The following ZMYM2 variants were observed in gnomAD, a reference collection of about 807,000 sequenced individuals.
ZMYM2 encodes the protein zinc finger MYM-type protein 2.
Under a neutral mutation model 162.8 loss-of-function variants are expected in ZMYM2, and 56 were observed. The observed-to-expected ratio is 0.34, with a 90% confidence interval of 0.28 to 0.43. ZMYM2 has a LOEUF of 0.43. ZMYM2 is among the 20% of genes least tolerant of loss of function. The probability of loss-of-function intolerance (pLI) is 1.00; values close to 1 mark genes in which losing one functional copy is unlikely to be tolerated. For missense variants in ZMYM2, 1,275 were observed against 1,621.8 expected, an observed-to-expected ratio of 0.79 and a Z score of 3.67; for synonymous variants, 510 against 541.6, an observed-to-expected ratio of 0.94 and a Z score of 0.81.
chr13:19,973,452 C>T (rs533437178), intron 2 of ZMYM2, among the ~76,000 whole-genome samples: 6 of 151,966 alleles, frequency 3.9e-5, no homozygotes, highest in African/African-American at 1.2e-4. Context: ...AGGTGGATCT[C>T]CTGAGGTCAA....
chr13:20,044,227 A>G (rs1036986156), intron 12 of ZMYM2, among the ~76,000 whole-genome samples: 1 of 152,140 alleles, frequency 6.6e-6, no homozygotes, highest in South Asian at 2.1e-4. Context: ...TGCTGCCCCT[A>G]CAACTTCTTT....
Position 20,085,982 on chromosome 13 carries a change from G to C in ZMYM2, c.4102G>C (p.Asp1368His), listed in dbSNP as rs1284078802. ...TCTAGTAAAAGATATTTATGATAAA[G>C]ACAATTATGAACTGGATGAAGACAC... is the stretch of plus-strand genomic sequence containing the variant. ...VLLVKDIYDK[D>H]NYELDEDTD is the part of the protein sequence containing the mutation. Residue 1368 changes from aspartate to histidine, a missense_variant, in exon 25 of 25, where the codon GAC becomes CAC. By Grantham distance (81) the Asp-to-His change is moderately conservative. Around this residue, in one of 10 missense-constraint regions of ZMYM2, gnomAD observed 69 missense variants for 78.4 expected, o/e 0.88. Coordinates refer to ENST00000610343, the MANE Select transcript of ZMYM2 (RefSeq NM_197968.4). 1 of 1,613,402 alleles carries C rather than the reference G, an allele frequency of 6.2e-7. No individual in the cohort carries two copies. Among genetic ancestry groups the C allele is most frequent in the Non-Finnish European group, 8.5e-7 (1 of 1,179,680 alleles).
intron 2 of ZMYM2, among the ~76,000 whole-genome samples, chr13:19,980,993 C>T (rs1015647170): frequency 3.3e-5 from 5 of 151,596 alleles, no homozygotes; most frequent in East Asian, 1.9e-4. Context: ...TATTTGAGGC[C>T]GGGCATGGTG....
At chr13:19,899,647 C>T in the ZMYM2 span, among the ~76,000 whole-genome samples, 2 of 151,330 alleles carry the variant, frequency 1.3e-5, no homozygotes, top group Non-Finnish European at 1.5e-5. Context: ...GAAACTCTGT[C>T]TCTACTAAAA....
chr13:19,949,599 A>G, the ZMYM2 span, among the ~76,000 whole-genome samples: 1 of 151,890 alleles, frequency 6.6e-6, no homozygotes, highest in East Asian at 1.9e-4. Flanking sequence ...TGAAAGAAAG[A>G]AAAAATAGGC....
the ZMYM2 span, among the ~76,000 whole-genome samples, chr13:19,887,210 T>C: frequency 6.6e-6 from 1 of 151,858 alleles, no homozygotes; most frequent in Non-Finnish European, 1.5e-5. Flanking sequence ...CTTTATTCAT[T>C]AGAGGCTGCA....
chr13:19,942,555 AG>A, the ZMYM2 span, among the ~76,000 whole-genome samples: 4 of 150,896 alleles, frequency 2.7e-5, no homozygotes, highest in Admixed American at 6.6e-5. Flanking sequence ...AAAAAAAAAA[AG>A]AAAATTAGCC....
Position 20,054,806 on chromosome 13 carries a change from G to A in ZMYM2, c.2493+2495G>A, listed in dbSNP as rs373694155. ...CTCTCTTCTGGGATTCCAGTTAAGAGCGAACTTTCCTAATGCCTGGTATGT... is the reference window on the plus strand; with the variant it reads ...CTCTCTTCTGGGATTCCAGTTAAGAACGAACTTTCCTAATGCCTGGTATGT... On this transcript the variant is annotated intron_variant, in intron 14 of 24. Coordinates refer to ENST00000610343, the MANE Select transcript of ZMYM2 (RefSeq NM_197968.4). Among the ~76,000 whole-genome samples, 4 of 152,128 alleles carry A rather than the reference G, an allele frequency of 2.6e-5. No homozygotes were observed. The East Asian group carries it at 5.8e-4, about 22-fold the overall frequency.
intron 7 of ZMYM2, chr13:20,025,165 CCT>C (rs1952464575): frequency 4.9e-6 from 1 of 205,628 alleles, no homozygotes. Context: ...ATCTATAACA[CCT>C]ATTATTTATG....
chr13:19,930,286 G>A, the ZMYM2 span, among the ~76,000 whole-genome samples: 10 of 151,878 alleles, frequency 6.6e-5, no homozygotes, highest in South Asian at 2.1e-4. Context: ...CTGTAATCCC[G>A]GCTACTCAGG....
chr13:19,920,906 G>A, the ZMYM2 span, among the ~76,000 whole-genome samples: 14 of 151,358 alleles, frequency 9.2e-5, no homozygotes, highest in Non-Finnish European at 1.9e-4. Flanking sequence ...GGGATTACAG[G>A]TGCATGCCAC....
the ZMYM2 span, among the ~76,000 whole-genome samples, chr13:19,889,068 C>T: frequency 1.3e-5 from 2 of 151,740 alleles, no homozygotes; most frequent in African/African-American, 4.9e-5. Context: ...CTCTGTTGGC[C>T]CCTCTGTTTT....
chr13:19,934,925 C>T, the ZMYM2 span, among the ~76,000 whole-genome samples: 2 of 151,922 alleles, frequency 1.3e-5, no homozygotes, highest in African/African-American at 2.4e-5. Context: ...TAACACCACG[C>T]CTGGCTAATT....
At chr13:20,048,804 GTT>G (rs60116074) in intron 12 of ZMYM2, among the ~76,000 whole-genome samples, 96,607 of 143,630 alleles carry the variant, frequency 0.67, 37,015 homozygotes, top group Non-Finnish European at 0.84. Context: ...CCTGTGACTT[GTT>G]TTTTTTTTTT....
chr13:20,081,411 C>A (rs1957898909), intron 21 of ZMYM2, among the ~76,000 whole-genome samples: 1 of 152,188 alleles, frequency 6.6e-6, no homozygotes, highest in South Asian at 2.1e-4. Flanking sequence ...TGTAACCACC[C>A]TCACTGTTAA....
chr13:19,958,975 G>A (rs1954814129), intron 1 of ZMYM2, 134 bp downstream of exon 1: 1 of 151,988 alleles, frequency 6.6e-6, no homozygotes, highest in Non-Finnish European at 1.5e-5. Context: ...GGCAGCCTCC[G>A]GAGCCTCCCA....
chr13:19,920,268 T>A, the ZMYM2 span, among the ~76,000 whole-genome samples: 1 of 152,124 alleles, frequency 6.6e-6, no homozygotes, highest in Non-Finnish European at 1.5e-5. Flanking sequence ...ACATATGGTG[T>A]CTGTCAAAAA....
At chr13:19,975,324 C>A (rs1300806641) in intron 2 of ZMYM2, among the ~76,000 whole-genome samples, 1 of 152,044 alleles carries the variant, frequency 6.6e-6, no homozygotes, top group East Asian at 1.9e-4. Context: ...CAAATAGAAA[C>A]CATACTCATT....
At chr13:20,014,351 C>T (rs1330523199) in intron 6 of ZMYM2, among the ~76,000 whole-genome samples, 1 of 152,146 alleles carries the variant, frequency 6.6e-6, no homozygotes, top group African/African-American at 2.4e-5. Flanking sequence ...GGATTATAGG[C>T]ATGATCCACT....
Sources: gnomAD v4.1 joint callset for allele counts (sites outside exome capture counted in the v4.1 genomes callset) on GRCh38, gnomAD v4.1.1 for gene constraint, gnomAD v4.1.1 regional missense constraint, MANE v1.5 for transcripts, NCBI Gene and HGNC (gene_info 2026-07-23, HGNC 2026-07-21) for gene names.